The following AFAP1 variants were observed in gnomAD, a reference collection of about 807,000 sequenced individuals.
AFAP1 encodes the protein actin filament associated protein 1, also known as actin filament-associated protein 1.
A neutral mutation model predicts 93.9 loss-of-function variants in AFAP1; 75 were observed. That is an observed-to-expected ratio of 0.80 (90% CI 0.66 to 0.97). The LOEUF (loss-of-function observed/expected upper bound fraction) is 0.97, where lower values mean the gene tolerates loss of function less well. Among genes scored for constraint, AFAP1 ranks in the 50% least tolerant of loss-of-function variants. The pLI is 0.00. For missense variants in AFAP1, 1,201 were observed against 1,050.8 expected (o/e 1.14, Z -1.98); for synonymous variants, 517 against 430.7 (o/e 1.20, Z -2.48).
intron 1 of AFAP1, among the ~76,000 whole-genome samples, chr4:7,921,557 A>AT (rs1298182159): frequency 2.6e-5 from 4 of 152,176 alleles, no homozygotes; most frequent in African/African-American, 9.7e-5. Context: ...AGGAAATAGA[A>AT]ATAGGCGCCC....
intron 4 of AFAP1, among the ~76,000 whole-genome samples, chr4:7,851,244 C>T (rs1020555241): frequency 6.6e-6 from 1 of 152,172 alleles, no homozygotes; most frequent in African/African-American, 2.4e-5. Flanking sequence ...AAACCTGAGC[C>T]GCCCTGCATG....
chr4:7,913,636 T>C (rs902160740), intron 1 of AFAP1, among the ~76,000 whole-genome samples: 5 of 152,210 alleles, frequency 3.3e-5, no homozygotes, highest in African/African-American at 1.2e-4. Flanking sequence ...AAAATGAGCA[T>C]GTATGCCTAT....
intron 11 of AFAP1, among the ~76,000 whole-genome samples, chr4:7,790,860 C>T (rs1188307140): frequency 1.3e-5 from 2 of 152,178 alleles, no homozygotes; most frequent in Non-Finnish European, 2.9e-5. Context: ...CTGTAGAAAA[C>T]CTCCAGTATT....
Position 7,760,154 on chromosome 4 carries a change from A to C in AFAP1, c.*3611T>G, listed in dbSNP as rs1713578849. On this transcript the variant is annotated 3_prime_UTR_variant, in exon 18 of 18. Coordinates refer to ENST00000420658, the MANE Select transcript of AFAP1 (RefSeq NM_001134647.2). ...GTGGCCATAATGACAATGAACCTCA[A>C]ACTCCTTCCTGGGGGTGGCCTCCAG... is the stretch of plus-strand genomic sequence containing the variant. 1 of 152,194 alleles carries C rather than the reference A, an allele frequency of 6.6e-6. No homozygotes were observed. Among genetic ancestry groups the C allele is most frequent in the Non-Finnish European group, 1.5e-5 (1 of 68,022 alleles). 9.4% of individuals were successfully genotyped at this position (152,194 alleles called of 1,614,324 possible). A position where few individuals can be genotyped will look rare whatever the true frequency, so the allele number is the denominator to read the frequency against.
intron 1 of AFAP1, among the ~76,000 whole-genome samples, chr4:7,900,420 C>A (rs890122633): frequency 1.9e-5 from 2 of 102,940 alleles, no homozygotes; most frequent in Non-Finnish European, 4.4e-5. Context: ...AAGTTGTATG[C>A]TAAAATAAAT....
chr4:7,847,360 T>TG (rs1439043059), intron 4 of AFAP1, among the ~76,000 whole-genome samples: 2 of 150,074 alleles, frequency 1.3e-5, no homozygotes, highest in Admixed American at 1.3e-4. Flanking sequence ...TGCTTAGCAG[T>TG]GTCCCTAATC....
In AFAP1 at chr4:7,800,451, T is replaced by C. The variant is rs1718913762; in HGVS notation, c.1257A>G (p.Ala419=). Residue 419 remains alanine (A), a synonymous_variant, in exon 10 of 18, where the codon GCA becomes GCG. Transcript: ENST00000420658. The part of the protein sequence containing the change: ...FRLLRNGQEV[A]VLEASSSEDM... Reference sequence around the variant, plus strand: ...CTGGGAAATATCCTACCTCCAATACTGCAACCTCCTGGCCGTTGCGCAGCA... The same window carrying C: ...CTGGGAAATATCCTACCTCCAATACCGCAACCTCCTGGCCGTTGCGCAGCA... 2 of 1,614,046 alleles carry C rather than the reference T, an allele frequency of 1.2e-6. No individual in the cohort carries two copies. Among genetic ancestry groups the C allele is most frequent in the Non-Finnish European group, 1.7e-6 (2 of 1,180,034 alleles).
intron 1 of AFAP1, among the ~76,000 whole-genome samples, chr4:7,891,785 A>T (rs1365598571): frequency 6.8e-6 from 1 of 147,322 alleles, no homozygotes; most frequent in Non-Finnish European, 1.5e-5. Flanking sequence ...GTGGTGGCTT[A>T]CACCTATAAT....
At chr4:7,796,231 C>G (rs1003753070) in intron 10 of AFAP1, among the ~76,000 whole-genome samples, 3 of 152,182 alleles carry the variant, frequency 2.0e-5, no homozygotes, top group African/African-American at 7.2e-5. Flanking sequence ...TGGGGAACGG[C>G]TGACTCCAGG....
chr4:7,879,234 C>T (rs1208157322), intron 1 of AFAP1, among the ~76,000 whole-genome samples: 2 of 152,162 alleles, frequency 1.3e-5, no homozygotes, highest in Non-Finnish European at 2.9e-5. Flanking sequence ...GGACAATAAC[C>T]AGTCACATTC....
At chr4:7,766,519 C>T (rs888930707) in intron 17 of AFAP1, among the ~76,000 whole-genome samples, 3 of 152,066 alleles carry the variant, frequency 2.0e-5, no homozygotes, top group South Asian at 2.1e-4. Context: ...CCACTCAACT[C>T]GGAGCAGGGC....
intron 1 of AFAP1, among the ~76,000 whole-genome samples, chr4:7,873,183 C>T (rs1199121421): frequency 7.6e-6 from 1 of 132,310 alleles, no homozygotes; most frequent in Non-Finnish European, 1.6e-5. Context: ...GCGGAGGTTT[C>T]AGTGAGCCAA....
At chr4:7,918,555 C>T (rs1267907570) in intron 1 of AFAP1, among the ~76,000 whole-genome samples, 4 of 120,374 alleles carry the variant, frequency 3.3e-5, no homozygotes, top group African/African-American at 6.8e-5. Context: ...ACAGGGCTGC[C>T]AGATGAGACA....
intron 12 of AFAP1, among the ~76,000 whole-genome samples, chr4:7,782,276 G>A (rs1716853881): frequency 6.6e-6 from 1 of 152,228 alleles, no homozygotes; most frequent in South Asian, 2.1e-4. Context: ...GCTAAGCCTC[G>A]CGCTCCTTCT....
intron 17 of AFAP1, among the ~76,000 whole-genome samples, chr4:7,765,285 T>C (rs1290062342): frequency 6.6e-6 from 1 of 152,170 alleles, no homozygotes; most frequent in African/African-American, 2.4e-5. Context: ...CACACACCCA[T>C]GCCTGTTCTC....
At position 7,819,096 on chromosome 4, in the gene AFAP1, G is replaced by A. The variant is rs775447083; in HGVS notation, c.802C>T (p.His268Tyr). ...CTTACCTTCTCCAGTTCTGCCTTGTGCACCGGGGAGCTTGGTGGAGGAGGA... is the reference window on the plus strand; with the variant it reads ...CTTACCTTCTCCAGTTCTGCCTTGTACACCGGGGAGCTTGGTGGAGGAGGA... Reference protein sequence around the residue: ...ECPPPPSSPVHKAELEKKLSS... With the variant: ...ECPPPPSSPVYKAELEKKLSS... The change falls in exon 7 of 18, where the codon CAC becomes TAC. Residue 268 changes from histidine (H) to tyrosine (Y), a missense_variant. Physicochemically the swap from His to Tyr is moderately conservative, Grantham distance 83. Coordinates refer to ENST00000420658, the MANE Select transcript of AFAP1 (RefSeq NM_001134647.2). 6.2e-7 allele frequency: 1 copy of A among 1,613,298 alleles called. No homozygotes were observed. The highest frequency in any genetic ancestry group is 8.5e-7 in the Non-Finnish European group (1 of 1,179,658).
In AFAP1 at chr4:7,939,839, G is replaced by A; in HGVS notation, c.-186C>T. On this transcript the variant is annotated 5_prime_UTR_variant, in exon 1 of 18. It adds an upstream start codon to the 5' untranslated region. Transcript: ENST00000420658. This position sits in a 1 kb window ranked among gnomAD's most constrained non-coding sequence, Gnocchi z 5.6. ...CTCGGCTCGCGGAGCTGCAGCCGGC[G>A]TGGGGCTGCGGCCGGGACAGACACC... is the stretch of plus-strand genomic sequence containing the variant. The A allele has an allele frequency of 3.6e-6, 1 of 278,490 alleles. No homozygotes were observed. Among genetic ancestry groups the A allele is most frequent in the Non-Finnish European group, 6.9e-6 (1 of 145,316 alleles). 17.3% of individuals were successfully genotyped at this position (278,490 alleles called of 1,614,324 possible).
rs1713593250 is a variant in AFAP1, at chr4:7,760,247, T to G, written c.*3518A>C. 1 of 152,230 alleles carries G rather than the reference T, an allele frequency of 6.6e-6. No homozygotes were observed. Among genetic ancestry groups the G allele is most frequent in the Non-Finnish European group, 1.5e-5 (1 of 68,046 alleles). 9.4% of individuals were successfully genotyped at this position (152,230 alleles called of 1,614,324 possible). On this transcript the variant is annotated 3_prime_UTR_variant, in exon 18 of 18. Transcript: ENST00000420658. ...AAATCTCCACATTTTAGGGTAGTTT[T>G]TGTCTATTTAGAAATGGCCAGTAAT... is the stretch of plus-strand genomic sequence containing the variant.
intron 3 of AFAP1, among the ~76,000 whole-genome samples, chr4:7,856,731 C>T (rs2149145024): frequency 1.3e-5 from 2 of 152,266 alleles, no homozygotes; most frequent in Admixed American, 1.3e-4. Flanking sequence ...CCCAGCCTCT[C>T]CCTCCTAAGA....
Sources: gnomAD v4.1 joint callset for allele counts (sites outside exome capture counted in the v4.1 genomes callset) on GRCh38, gnomAD v4.1.1 for gene constraint, Gnocchi (gnomAD v3.1) non-coding constraint, MANE v1.5 for transcripts, NCBI Gene and HGNC (gene_info 2026-07-23, HGNC 2026-07-21) for gene names.